GPT2: variants seen among roughly 807,000 people sequenced by gnomAD.
The protein encoded by GPT2 is glutamic--pyruvic transaminase 2, also known as alanine aminotransferase 2.
In GPT2, 30 loss-of-function variants were observed where a neutral mutation model predicts 56.9. The ratio of observed to expected loss-of-function variants is 0.53; its 90% CI spans 0.39 to 0.72. GPT2 has a LOEUF of 0.72. Among genes scored for constraint, GPT2 ranks in the 30% least tolerant of loss-of-function variants. GPT2 has a pLI of 0.00. For synonymous variants in GPT2, 271 were observed against 283.1 expected (o/e 0.96, Z 0.43); for missense variants, 542 against 703.4 (o/e 0.77, Z 2.60).
chr16:46,885,929 TC>T (rs1160207817), intron 2 of GPT2, among the ~76,000 whole-genome samples: 2 of 152,144 alleles, frequency 1.3e-5, no homozygotes, highest in Non-Finnish European at 2.9e-5. Context: ...GAAGGAGGGT[TC>T]CTTGATCTTG....
At chr16:46,906,740 C>G (rs1221648075) in intron 4 of GPT2, 102 bp from the exon 5 acceptor site, 2 of 1,488,264 alleles carry the variant, frequency 1.3e-6, no homozygotes, top group East Asian at 4.6e-5. Context: ...CCGAGACCCT[C>G]ACCCCAAACA....
chr16:46,918,824 G>T (rs1350480044), intron 8 of GPT2, 67 bp downstream of exon 8: 1 of 1,581,270 alleles, frequency 6.3e-7, no homozygotes, highest in East Asian at 2.2e-5. Flanking sequence ...CGGCTCCTCT[G>T]CCCTGCCCCG....
At chr16:46,919,848 T>C (rs2143535764) in intron 8 of GPT2, among the ~76,000 whole-genome samples, 1 of 151,920 alleles carries the variant, frequency 6.6e-6, no homozygotes, top group South Asian at 2.1e-4. Flanking sequence ...GGATCCTGGA[T>C]GTATTTGAAG....
intron 3 of GPT2, among the ~76,000 whole-genome samples, chr16:46,899,503 G>A (rs1363859963): frequency 1.3e-5 from 2 of 152,198 alleles, no homozygotes; most frequent in East Asian, 1.9e-4. Context: ...CAGTGAGGGA[G>A]AGGAGCTGAG....
chr16:46,924,761 G>A (rs1334378670), intron 10 of GPT2, among the ~76,000 whole-genome samples: 1 of 152,324 alleles, frequency 6.6e-6, no homozygotes, highest in South Asian at 2.1e-4. Context: ...TGGGCCCCAG[G>A]GGAAAGGAGC....
At chr16:46,885,524 C>T in intron 2 of GPT2, 2 of 985,302 alleles carry the variant, frequency 2.0e-6, no homozygotes, top group South Asian at 9.4e-5. Context: ...CCTTTAGGCC[C>T]CTCTGGAGCC....
At chr16:46,896,952 C>G (rs1960695700) in intron 2 of GPT2, among the ~76,000 whole-genome samples, 2 of 152,252 alleles carry the variant, frequency 1.3e-5, no homozygotes, top group South Asian at 4.1e-4. Flanking sequence ...AACCCCAACA[C>G]TTTGGGAGGC....
Position 46,909,693 on chromosome 16 carries a change from A to G in GPT2, c.586A>G (p.Lys196Glu). 1 of 1,613,560 alleles carries G rather than the reference A, an allele frequency of 6.2e-7. No homozygotes were observed. Among genetic ancestry groups the G allele is most frequent in the Non-Finnish European group, 8.5e-7 (1 of 1,179,560 alleles). Residue 196 changes from lysine to glutamate, a missense_variant, in exon 6 of 12, where the codon AAG (lysine) becomes GAG (glutamate). Physicochemically the swap from Lys to Glu is moderately conservative, Grantham distance 56. Transcript: ENST00000340124. Reference protein sequence around the residue: ...GASDGISTILKILVSGGGKSR... With the variant: ...GASDGISTILEILVSGGGKSR... ...GAATTCTCTGTTGCAGACGATCCTG[A>G]AGATCCTCGTCTCCGGGGGCGGCAA...
At chr16:46,917,086 G>C (rs895615358) in intron 7 of GPT2, among the ~76,000 whole-genome samples, 6 of 152,104 alleles carry the variant, frequency 3.9e-5, no homozygotes, top group African/African-American at 1.4e-4. Context: ...TATCTTTTCA[G>C]CCTAGAGATT....
In GPT2 at chr16:46,928,889, T is replaced by C. The variant is rs753253484; in HGVS notation, c.1482-18T>C. The stretch of plus-strand genomic sequence containing the variant: ...TCTTGCAGAGCAGCCAGGCTGACAC[T>C]GTTGTCTCTCCTGCCAGGATGACTA... On this transcript the variant is annotated intron_variant, in intron 11 of 11. Coordinates refer to ENST00000340124, the MANE Select transcript of GPT2 (RefSeq NM_133443.4). The C allele has an allele frequency of 3.1e-6, 5 of 1,598,116 alleles. No individual in the cohort carries two copies. The South Asian group carries it at 5.5e-5, about 18-fold the overall frequency.
At chr16:46,908,923 AG>A (rs1960989303) in intron 5 of GPT2, among the ~76,000 whole-genome samples, 1 of 152,160 alleles carries the variant, frequency 6.6e-6, no homozygotes, top group Non-Finnish European at 1.5e-5. Flanking sequence ...CTCCCTGCAG[AG>A]GGTTTTGTCT....
intron 2 of GPT2, among the ~76,000 whole-genome samples, chr16:46,897,212 T>C (rs1377717732): frequency 6.6e-6 from 1 of 152,090 alleles, no homozygotes; most frequent in African/African-American, 2.4e-5. Context: ...CTGTCTCTAC[T>C]AAATACAAAA....
chr16:46,893,865 G>T (rs749406154), intron 2 of GPT2, among the ~76,000 whole-genome samples: 2 of 152,190 alleles, frequency 1.3e-5, no homozygotes, highest in Non-Finnish European at 2.9e-5. Flanking sequence ...CTCTGAGCTG[G>T]CAGGGCCCTG....
intron 8 of GPT2, among the ~76,000 whole-genome samples, chr16:46,921,843 C>T (rs2143546131): frequency 6.6e-6 from 1 of 152,118 alleles, no homozygotes; most frequent in East Asian, 1.9e-4. Flanking sequence ...ATAGCAAAAC[C>T]CTATCTCTAC....
intron 2 of GPT2, among the ~76,000 whole-genome samples, chr16:46,888,440 G>A (rs1208139553): frequency 6.6e-6 from 1 of 152,122 alleles, no homozygotes; most frequent in Non-Finnish European, 1.5e-5. Flanking sequence ...TCCGCCTCCC[G>A]GGTTGAAGTG....
intron 5 of GPT2, among the ~76,000 whole-genome samples, chr16:46,909,291 A>G (rs1187687586): frequency 6.6e-6 from 1 of 152,134 alleles, no homozygotes; most frequent in African/African-American, 2.4e-5. Flanking sequence ...TTAAAAATAT[A>G]TATTTTTAAA....
intron 2 of GPT2, among the ~76,000 whole-genome samples, chr16:46,891,120 G>A (rs1187739343): frequency 6.6e-6 from 1 of 152,134 alleles, no homozygotes; most frequent in Non-Finnish European, 1.5e-5. Context: ...TGATCCACCC[G>A]CCATGGCCTC....
intron 2 of GPT2, among the ~76,000 whole-genome samples, chr16:46,891,093 G>A (rs1274278817): frequency 3.3e-5 from 5 of 151,868 alleles, no homozygotes; most frequent in African/African-American, 4.8e-5. Context: ...GGCGGGTCTC[G>A]ACCTCCCAAC....
chr16:46,917,215 T>C (rs1039819869), intron 7 of GPT2, among the ~76,000 whole-genome samples: 1 of 152,140 alleles, frequency 6.6e-6, no homozygotes, highest in Admixed American at 6.5e-5. Context: ...ATGTAGGGGT[T>C]CCAGTATGCA....
Sources: gnomAD v4.1 joint callset for allele counts (sites outside exome capture counted in the v4.1 genomes callset) on GRCh38, gnomAD v4.1.1 for gene constraint, MANE v1.5 for transcripts, NCBI Gene and HGNC (gene_info 2026-07-23, HGNC 2026-07-21) for gene names.